Variants in SPACA6 observed in about 807,000 individuals in gnomAD.
SPACA6 encodes sperm acrosome associated 6, also known as sperm acrosome membrane-associated protein 6.
For synonymous variants in SPACA6, 6 were observed against 1.5 expected (o/e 4.05, Z -2.21); for missense variants, 8 against 2.8 (o/e 2.88, Z -1.34).
chr19:51,709,535 A>AAAG (rs1368909265), downstream of SPACA6, among the ~76,000 whole-genome samples: 7 of 149,460 alleles, frequency 4.7e-5, no homozygotes, highest in East Asian at 1.4e-3. Flanking sequence ...AAAAGGCAAA[A>AAAG]AAAAAAAAAA....
chr19:51,690,841 C>T (rs2083364024), upstream of SPACA6, among the ~76,000 whole-genome samples: 2 of 152,000 alleles, frequency 1.3e-5, no homozygotes, highest in South Asian at 4.1e-4. Flanking sequence ...CACCCTCCTC[C>T]TCAGGCCCCA....
intron 8 of SPACA6, chr19:51,704,883 C>A (rs2083504833): frequency 5.2e-6 from 2 of 381,842 alleles, no homozygotes; most frequent in African/African-American, 2.1e-5. Context: ...GTCCAGGCCC[C>A]CAGCCCCTCC....
chr19:51,701,825 C>G (rs545701175), intron 3 of SPACA6, 99 bp downstream of exon 3: 1 of 387,704 alleles, frequency 2.6e-6, no homozygotes, highest in East Asian at 3.6e-5. Flanking sequence ...GTAATCCCAG[C>G]ACTTTGGAAG....
chr19:51,701,711 A>G lies in SPACA6; in HGVS notation c.346A>G (p.Thr116Ala). The change falls in exon 3 of 9, where the codon ACA becomes GCA. Residue 116 changes from threonine (T) to alanine (A), a missense_variant. By Grantham distance (58) the Thr-to-Ala change is moderately conservative. Coordinates refer to ENST00000637797, the MANE Select transcript of SPACA6 (RefSeq NM_001316972.2). ...DAAEKMKKVI[T>A]QLKEAQACIP... ...TGCGGAGAAAATGAAGAAGGTCATT[A>G]CACAGCTTAAAGAAGGTAAAATACA... 1 of 398,992 alleles carries G rather than the reference A, an allele frequency of 2.5e-6. No homozygotes were observed. The highest frequency in any genetic ancestry group is 3.6e-5 in the East Asian group (1 of 28,074). The allele number at this position is 398,992 out of a possible 1,614,324, so 24.7% of individuals were successfully genotyped here. A position where few individuals can be genotyped will look rare whatever the true frequency, so the allele number is the denominator to read the frequency against.
At chr19:51,706,130 T>C (rs2083514693), downstream of SPACA6, among the ~76,000 whole-genome samples, 1 of 152,212 alleles carries the variant, frequency 6.6e-6, no homozygotes, top group Non-Finnish European at 1.5e-5. Context: ...TGGCCTTTGC[T>C]GACCTCACCA....
chr19:51,699,071 T>C (rs1463238400), intron 2 of SPACA6, among the ~76,000 whole-genome samples: 1 of 152,184 alleles, frequency 6.6e-6, no homozygotes, highest in Non-Finnish European at 1.5e-5. Context: ...AGGGCAGTGG[T>C]GCAATCATAG....
chr19:51,693,253 T>G (rs1406734618), upstream of SPACA6: 6 of 702,196 alleles, frequency 8.5e-6, no homozygotes, highest in Non-Finnish European at 1.6e-5. Flanking sequence ...GCACACCATG[T>G]TGCCAGTCTC....
chr19:51,712,969 T>G (rs2083550008), downstream of SPACA6: 1 of 157,334 alleles, frequency 6.4e-6, no homozygotes, highest in Admixed American at 6.5e-5. Context: ...TAATAATCCC[T>G]GTTTTCAAAA....
At chr19:51,705,015 G>A (rs963003872) in intron 8 of SPACA6, 75 bp from the exon 9 acceptor site, 14 of 249,150 alleles carry the variant, frequency 5.6e-5, no homozygotes, top group Non-Finnish European at 8.8e-5. Context: ...TTTTGACCCT[G>A]GTGTCCAGGC....
Position 51,705,150 on chromosome 19 carries a change from C to T in SPACA6, c.*27C>T, listed in dbSNP as rs2083509062. ...AAAGGTATCTTTCCTCCTTCCCTAT[C>T]CTATTTCCATCCTGAAAATAAAGAA... On this transcript the variant is annotated 3_prime_UTR_variant, in exon 9 of 9. Transcript: ENST00000637797. 1 of 401,310 alleles carries T rather than the reference C, an allele frequency of 2.5e-6. No individual in the cohort carries two copies. Among genetic ancestry groups the T allele is most frequent in the Non-Finnish European group, 4.4e-6 (1 of 226,278 alleles). 24.9% of individuals were successfully genotyped at this position (401,310 alleles called of 1,614,324 possible).
chr19:51,682,770 A>G, the SPACA6 span, among the ~76,000 whole-genome samples: 1 of 152,206 alleles, frequency 6.6e-6, no homozygotes, highest in African/African-American at 2.4e-5. Flanking sequence ...ATCCGGGCAC[A>G]GTGTATCATG....
In SPACA6 at chr19:51,704,317, C is replaced by T. The variant is rs2083496705; in HGVS notation, c.778C>T (p.Arg260Trp). ...GGAGACAGAGTTGCAGGCCTCGTTC[C>T]GGGAAGTGCTGCGCTGGGCGCCGCG... is the stretch of plus-strand genomic sequence containing the variant. ...RAETELQASF[R>W]EVLRWAPRDA... The change falls in exon 8 of 9, where the codon CGG becomes TGG. Residue 260 changes from arginine (R) to tryptophan (W), a missense_variant. Physicochemically the swap from Arg to Trp is moderately radical, Grantham distance 101. Coordinates refer to ENST00000637797, the MANE Select transcript of SPACA6 (RefSeq NM_001316972.2). 1 of 400,732 alleles carries T rather than the reference C, an allele frequency of 2.5e-6. No individual in the cohort carries two copies. The highest frequency in any genetic ancestry group is 4.4e-6 in the Non-Finnish European group (1 of 226,108). 24.8% of individuals were successfully genotyped at this position (400,732 alleles called of 1,614,324 possible).
chr19:51,699,655 T>TAATTAGGGACACAGAG (rs2083454497), intron 2 of SPACA6, among the ~76,000 whole-genome samples: 1 of 152,190 alleles, frequency 6.6e-6, no homozygotes, highest in Non-Finnish European at 1.5e-5. Context: ...TGTGCATCTC[T>TAATTAGGGACACAGAG]GTGTCCTAAT....
In SPACA6 at chr19:51,705,140, C is replaced by G. The variant is rs180742666; in HGVS notation, c.*17C>G. The G allele has an allele frequency of 2.5e-6, 1 of 401,230 alleles. No individual in the cohort carries two copies. The highest frequency in any genetic ancestry group is 2.1e-5 in the African/African-American group (1 of 48,714). 24.9% of individuals were successfully genotyped at this position (401,230 alleles called of 1,614,324 possible). Reference sequence around the variant, plus strand: ...GGCAACTAACAAAGGTATCTTTCCTCCTTCCCTATCCTATTTCCATCCTGA... The same window carrying G: ...GGCAACTAACAAAGGTATCTTTCCTGCTTCCCTATCCTATTTCCATCCTGA... On this transcript the variant is annotated 3_prime_UTR_variant, in exon 9 of 9. Transcript: ENST00000637797.
downstream of SPACA6, among the ~76,000 whole-genome samples, chr19:51,710,327 G>A (rs2083536164): frequency 6.6e-6 from 1 of 152,172 alleles, no homozygotes; most frequent in African/African-American, 2.4e-5. Flanking sequence ...ATGTTTTGGT[G>A]ACTGATGAAT....
chr19:51,712,553 G>A (rs898212883), downstream of SPACA6, among the ~76,000 whole-genome samples: 3 of 97,436 alleles, frequency 3.1e-5, no homozygotes, highest in Non-Finnish European at 5.8e-5. Flanking sequence ...AGAACTGCTG[G>A]AGTGAAGTCT....
upstream of SPACA6, chr19:51,689,511 G>A (rs954494426): frequency 1.3e-5 from 2 of 151,928 alleles, no homozygotes; most frequent in Non-Finnish European, 2.9e-5. Flanking sequence ...GCTCGGCGGC[G>A]GTGGGGCCCG....
At chr19:51,684,509 G>A (rs534733084), upstream of SPACA6, among the ~76,000 whole-genome samples, 13 of 152,174 alleles carry the variant, frequency 8.5e-5, no homozygotes, top group East Asian at 1.9e-4. Context: ...GCCCAGACCC[G>A]ACAACAATGG....
chr19:51,693,607 T>C lies in SPACA6; in HGVS notation c.81T>C (p.Cys27=). Residue 27 remains cysteine, a synonymous_variant, in exon 1 of 9, where the codon TGT becomes TGC. Coordinates refer to ENST00000637797, the MANE Select transcript of SPACA6 (RefSeq NM_001316972.2). ...TCTTCAGGGTGCCCGCCTGGGCCTG[T>C]CTCCTCTGCTTCACAACCTACTCTG... ...LAVFRVPAWA[C]LLCFTTYSER... is the part of the protein sequence containing the mutation. The C allele has an allele frequency of 2.3e-6, 1 of 429,622 alleles. No homozygotes were observed. The highest frequency in any genetic ancestry group is 4.2e-6 in the Non-Finnish European group (1 of 239,672). 26.6% of individuals were successfully genotyped at this position (429,622 alleles called of 1,614,324 possible).
Sources: gnomAD v4.1 joint callset for allele counts (sites outside exome capture counted in the v4.1 genomes callset) on GRCh38, gnomAD v4.1.1 for gene constraint, MANE v1.5 for transcripts, NCBI Gene and HGNC (gene_info 2026-07-23, HGNC 2026-07-21) for gene names.